L3MBTL4: variants seen among roughly 807,000 people sequenced by gnomAD.
The protein encoded by L3MBTL4 is lethal(3)malignant brain tumor-like protein 4.
In L3MBTL4, 70 loss-of-function variants were observed where a neutral mutation model predicts 84.5. The ratio of observed to expected loss-of-function variants is 0.83; its 90% CI spans 0.68 to 1.01. The LOEUF (loss-of-function observed/expected upper bound fraction) is 1.01. Among genes scored for constraint, L3MBTL4 ranks in the 50% least tolerant of loss-of-function variants. L3MBTL4 has a pLI of 0.00. For synonymous variants in L3MBTL4, 274 were observed against 259.8 expected, an observed-to-expected ratio of 1.05 and a Z score of -0.52; for missense variants, 715 against 754.8, an observed-to-expected ratio of 0.95 and a Z score of 0.62.
intron 1 of L3MBTL4, among the ~76,000 whole-genome samples, chr18:6,378,487 A>T (rs2054463655): frequency 6.6e-6 from 1 of 152,152 alleles, no homozygotes; most frequent in Admixed American, 6.5e-5. Context: ...TCTTGAGTTA[A>T]TTTTTGTATA....
chr18:6,023,359 A>T (rs2055356847), intron 16 of L3MBTL4, among the ~76,000 whole-genome samples: 1 of 152,186 alleles, frequency 6.6e-6, no homozygotes, highest in Non-Finnish European at 1.5e-5. Flanking sequence ...TATTTTTTTT[A>T]ATAGTCCTTA....
At chr18:6,032,595 T>C (rs972399440) in intron 16 of L3MBTL4, among the ~76,000 whole-genome samples, 3 of 152,100 alleles carry the variant, frequency 2.0e-5, no homozygotes, top group Admixed American at 6.6e-5. Context: ...ATTTTAAGTA[T>C]ATAGTTCAGT....
At chr18:6,065,594 AG>A (rs1294571875) in intron 16 of L3MBTL4, among the ~76,000 whole-genome samples, 1 of 151,974 alleles carries the variant, frequency 6.6e-6, no homozygotes, top group Non-Finnish European at 1.5e-5. Context: ...TTTATGTCTC[AG>A]GACTTTATCC....
At chr18:6,105,556 T>C (rs1417858829) in intron 14 of L3MBTL4, among the ~76,000 whole-genome samples, 1 of 151,232 alleles carries the variant, frequency 6.6e-6, no homozygotes, top group Non-Finnish European at 1.5e-5. Flanking sequence ...CTCAGCACTT[T>C]GGGAGGCCAA....
chr18:6,320,351 A>G (rs1220712505), intron 1 of L3MBTL4, among the ~76,000 whole-genome samples: 1 of 152,002 alleles, frequency 6.6e-6, no homozygotes, highest in East Asian at 1.9e-4. Context: ...AAGTCAAAAT[A>G]AATGACTATA....
At chr18:6,242,452 A>G (rs1462248530) in intron 7 of L3MBTL4, among the ~76,000 whole-genome samples, 1 of 152,148 alleles carries the variant, frequency 6.6e-6, no homozygotes, top group African/African-American at 2.4e-5. Flanking sequence ...TTTACTTGCT[A>G]CTGGCCCTCA....
chr18:6,008,247 A>G (rs1483757587), intron 16 of L3MBTL4, among the ~76,000 whole-genome samples: 1 of 152,082 alleles, frequency 6.6e-6, no homozygotes, highest in Non-Finnish European at 1.5e-5. Flanking sequence ...CTCTGTAACT[A>G]CAGACCCCAC....
At chr18:6,315,495 G>T (rs2576279) in intron 1 of L3MBTL4, among the ~76,000 whole-genome samples, 1 of 152,102 alleles carries the variant, frequency 6.6e-6, no homozygotes, top group African/African-American at 2.4e-5. Flanking sequence ...ATGACAGCCC[G>T]ACAATATGTG....
chr18:6,144,659 C>T (rs568471832), intron 13 of L3MBTL4, among the ~76,000 whole-genome samples: 106 of 152,342 alleles, frequency 7.0e-4, no homozygotes, highest in African/African-American at 2.5e-3. Context: ...CAGCTACACA[C>T]ACCCTCATTC....
intron 1 of L3MBTL4, among the ~76,000 whole-genome samples, chr18:6,353,905 CATT>C (rs1271443942): frequency 5.9e-5 from 9 of 151,954 alleles, no homozygotes; most frequent in African/African-American, 2.2e-4. Flanking sequence ...ATACCACTGA[CATT>C]ATTCACAGAA....
intron 12 of L3MBTL4, among the ~76,000 whole-genome samples, chr18:6,183,676 T>A (rs949164489): frequency 2.0e-5 from 3 of 152,162 alleles, no homozygotes; most frequent in Admixed American, 6.5e-5. Context: ...AATGTCAAAC[T>A]AAGAAAAGTT....
chr18:6,345,425 A>C (rs11081231), intron 1 of L3MBTL4, among the ~76,000 whole-genome samples: 29,167 of 150,710 alleles, frequency 0.19, 3,537 homozygotes, highest in African/African-American at 0.35. Context: ...AACAAACAAA[A>C]AAAACCATAA....
At chr18:6,191,031 G>T (rs141082372) in intron 12 of L3MBTL4, among the ~76,000 whole-genome samples, 77 of 152,270 alleles carry the variant, frequency 5.1e-4, no homozygotes, top group African/African-American at 1.7e-3. Flanking sequence ...ATGAGGTAGG[G>T]TCTTATGGGA....
chr18:5,988,939 G>A (rs1020436731), intron 16 of L3MBTL4, among the ~76,000 whole-genome samples: 1 of 152,190 alleles, frequency 6.6e-6, no homozygotes, highest in Admixed American at 6.5e-5. Flanking sequence ...TCTGTGAGGA[G>A]CGCTTCTATA....
chr18:6,011,034 C>G (rs1343737229), intron 16 of L3MBTL4, among the ~76,000 whole-genome samples: 1 of 152,148 alleles, frequency 6.6e-6, no homozygotes, highest in African/African-American at 2.4e-5. Flanking sequence ...GGAAGTCAAC[C>G]TGGATAATGA....
At chr18:6,138,612 G>A (rs1307471703) in intron 13 of L3MBTL4, among the ~76,000 whole-genome samples, 1 of 151,956 alleles carries the variant, frequency 6.6e-6, no homozygotes, top group Non-Finnish European at 1.5e-5. Context: ...GAATGCAGTG[G>A]CGCATCTCGG....
At chr18:6,121,402 C>A (rs1213645734) in intron 14 of L3MBTL4, among the ~76,000 whole-genome samples, 1 of 152,184 alleles carries the variant, frequency 6.6e-6, no homozygotes, top group African/African-American at 2.4e-5. Flanking sequence ...CTGACATATG[C>A]AGGCACTGAA....
chr18:6,129,362 TTC>T (rs760535630), intron 14 of L3MBTL4, among the ~76,000 whole-genome samples: 1,453 of 143,316 alleles, frequency 0.01, 20 homozygotes, highest in East Asian at 0.026. Flanking sequence ...TTTACTGGAA[TTC>T]TCTCTGTGTG....
chr18:6,390,570 AC>A (rs958233040), intron 1 of L3MBTL4, among the ~76,000 whole-genome samples: 1 of 152,174 alleles, frequency 6.6e-6, no homozygotes, highest in Non-Finnish European at 1.5e-5. Flanking sequence ...AAATTGATAT[AC>A]CATTATTAGC....
Sources: allele counts gnomAD v4.1 joint callset (sites outside exome capture counted in the v4.1 genomes callset), GRCh38; gene constraint gnomAD v4.1.1; transcripts MANE v1.5; gene names NCBI Gene and HGNC (gene_info 2026-07-23, HGNC 2026-07-21).